HSPA12A: variants seen among roughly 807,000 people sequenced by gnomAD.
HSPA12A encodes heat shock protein family A (Hsp70) member 12A.
In HSPA12A, 28 loss-of-function variants were observed where a neutral mutation model predicts 69.2. That is an observed-to-expected ratio of 0.40 (90% CI 0.30 to 0.55). HSPA12A has a LOEUF of 0.55. Ranked by LOEUF, HSPA12A falls within the 20% of genes least tolerant of loss-of-function variation. The pLI is 0.38. For missense variants in HSPA12A, 686 were observed against 900.7 expected, an observed-to-expected ratio of 0.76 and a Z score of 3.05; for synonymous variants, 345 against 370.5, an observed-to-expected ratio of 0.93 and a Z score of 0.79.
intron 1 of HSPA12A, among the ~76,000 whole-genome samples, chr10:116,843,686 A>C (rs1845837451): frequency 6.6e-6 from 1 of 152,120 alleles, no homozygotes; most frequent in African/African-American, 2.4e-5. Context: ...TCTCTTTCTG[A>C]CCTAATCCAT....
chr10:116,755,544 G>A (rs1195846557), intron 2 of HSPA12A, among the ~76,000 whole-genome samples: 11 of 150,830 alleles, frequency 7.3e-5, no homozygotes, highest in Admixed American at 2.6e-4. Flanking sequence ...CCCAGCAGGC[G>A]GAGGTTGCAG....
intron 2 of HSPA12A, among the ~76,000 whole-genome samples, chr10:116,779,601 C>T (rs1343584592): frequency 2.0e-5 from 3 of 152,102 alleles, no homozygotes; most frequent in Non-Finnish European, 2.9e-5. Context: ...GCCCCAGGCC[C>T]GAACAAAGAC....
At chr10:116,804,531 C>T (rs1196141828) in intron 2 of HSPA12A, among the ~76,000 whole-genome samples, 1 of 152,092 alleles carries the variant, frequency 6.6e-6, no homozygotes, top group Non-Finnish European at 1.5e-5. Flanking sequence ...CCTTCCTCTC[C>T]CTTTACCCCC....
intron 1 of HSPA12A, among the ~76,000 whole-genome samples, chr10:116,715,634 G>T (rs1554883728): frequency 6.6e-6 from 1 of 152,152 alleles, no homozygotes. Context: ...TATAATATTT[G>T]CTCTGCTTTT....
At chr10:116,748,613 T>G (rs1321353918) in intron 2 of HSPA12A, among the ~76,000 whole-genome samples, 3 of 152,186 alleles carry the variant, frequency 2.0e-5, no homozygotes, top group African/African-American at 7.2e-5. Flanking sequence ...GGACTCACAG[T>G]TCCACATGGC....
chr10:116,792,466 T>A (rs745549368), intron 2 of HSPA12A, among the ~76,000 whole-genome samples: 2 of 151,050 alleles, frequency 1.3e-5, no homozygotes, highest in Admixed American at 1.3e-4. Flanking sequence ...ACAAAATAAA[T>A]CCAAAGCAAG....
intron 2 of HSPA12A, among the ~76,000 whole-genome samples, chr10:116,768,598 C>T (rs1047349912): frequency 1.3e-5 from 2 of 152,292 alleles, no homozygotes; most frequent in African/African-American, 2.4e-5. Context: ...ACTGCAACCT[C>T]GAACTCCTGG....
At chr10:116,707,411 G>T in intron 1 of HSPA12A, 126 bp from the exon 2 acceptor site, 1 of 729,060 alleles carries the variant, frequency 1.4e-6, no homozygotes, top group Non-Finnish European at 2.4e-6. Flanking sequence ...TCACGAAATG[G>T]GCAAGGCCCA....
chr10:116,684,521 C>T lies in HSPA12A; in HGVS notation c.664-559G>A, dbSNP rs533727185. Among the ~76,000 whole-genome samples, 29 of 151,876 alleles carry T rather than the reference C, an allele frequency of 1.9e-4. No individual in the cohort carries two copies. The South Asian group carries it at 4.6e-3, about 24-fold the overall frequency. ...CATTTGACTTTGCTATCTGGGTAAC[C>T]GACCTGTTATCTCCAGAGCGCTAGG... is the stretch of plus-strand genomic sequence containing the variant. On this transcript the variant is annotated intron_variant, in intron 6 of 11. Coordinates refer to ENST00000369209, the MANE Select transcript of HSPA12A (RefSeq NM_025015.3).
chr10:116,726,899 G>T (rs1474983689), intron 1 of HSPA12A, among the ~76,000 whole-genome samples: 2 of 152,142 alleles, frequency 1.3e-5, no homozygotes, highest in Non-Finnish European at 2.9e-5. Flanking sequence ...TGCCGATGAC[G>T]GATGAAGACC....
At position 116,672,694 on chromosome 10, in the gene HSPA12A, A is replaced by G. The variant is rs1849119737; in HGVS notation, c.*2087T>C. 6.5e-6 allele frequency: 1 copy of G among 152,672 alleles called. No individual in the cohort carries two copies. The highest frequency in any genetic ancestry group is 6.5e-5 in the Admixed American group (1 of 15,292). The allele number at this position is 152,672 out of a possible 1,614,324, so 9.5% of individuals were successfully genotyped here. A position where few individuals can be genotyped will look rare whatever the true frequency, so the allele number is the denominator to read the frequency against. ...CGCATCGTAGAAACCAAGATTCTGT[A>G]CAATATTCTAACATTATATGTACAT... On this transcript the variant is annotated 3_prime_UTR_variant, in exon 12 of 12. Transcript: ENST00000369209.
At chr10:116,750,603 A>G in intron 2 of HSPA12A, 1 of 305,966 alleles carries the variant, frequency 3.3e-6, no homozygotes, top group South Asian at 3.4e-5. Context: ...AACTCCAGGC[A>G]TGGAGGAGGT....
At chr10:116,846,681 A>G (rs1845893786) in intron 1 of HSPA12A, among the ~76,000 whole-genome samples, 1 of 152,178 alleles carries the variant, frequency 6.6e-6, no homozygotes, top group Non-Finnish European at 1.5e-5. Context: ...TATGTAAGTA[A>G]TTCATTCATT....
At chr10:116,849,190 G>A (rs1004931510) in intron 1 of HSPA12A, among the ~76,000 whole-genome samples, 1 of 152,212 alleles carries the variant, frequency 6.6e-6, no homozygotes, top group Non-Finnish European at 1.5e-5. Flanking sequence ...TGGGACCCGA[G>A]CGCGCGACCC....
At position 116,825,801 on chromosome 10, in the gene HSPA12A, T is replaced by A. The variant is rs557090351; in HGVS notation, c.91+9134A>T. ...GATCATGGTGATGGTTGCACAATTC[T>A]GTGATATATTAAAAATCATTGAATT... On this transcript the variant is annotated intron_variant, in intron 2 of 12. Transcript: ENST00000635765. Among the ~76,000 whole-genome samples the A allele has an allele frequency of 5.3e-5, 8 of 152,322 alleles. No individual in the cohort carries two copies. The South Asian group carries it at 1.7e-3, about 32-fold the overall frequency.
At chr10:116,758,292 A>C (rs1843895581) in intron 2 of HSPA12A, among the ~76,000 whole-genome samples, 1 of 151,318 alleles carries the variant, frequency 6.6e-6, no homozygotes. Flanking sequence ...TTCCCCTTTC[A>C]CTCTGCCCAT....
chr10:116,692,617 A>ATTTCTGT, intron 5 of HSPA12A, 150 bp from the exon 6 acceptor site: 1 of 662,582 alleles, frequency 1.5e-6, no homozygotes, highest in Admixed American at 2.4e-5. Context: ...CAGAGAGCAA[A>ATTTCTGT]GATCTGTTTC....
At chr10:116,768,863 C>T (rs943687582) in intron 2 of HSPA12A, among the ~76,000 whole-genome samples, 1 of 152,082 alleles carries the variant, frequency 6.6e-6, no homozygotes, top group East Asian at 1.9e-4. Context: ...CTTAGCACAG[C>T]CCCCTATTGC....
intron 1 of HSPA12A, among the ~76,000 whole-genome samples, chr10:116,720,118 T>C (rs1554884229): frequency 6.6e-6 from 1 of 152,254 alleles, no homozygotes; most frequent in East Asian, 1.9e-4. Context: ...GAGTTTTATA[T>C]GTGAATTATA....
Sources: gnomAD v4.1 joint callset for allele counts (sites outside exome capture counted in the v4.1 genomes callset) on GRCh38, gnomAD v4.1.1 for gene constraint, MANE v1.5 for transcripts, NCBI Gene and HGNC (gene_info 2026-07-23, HGNC 2026-07-21) for gene names.